LIMS4: variants seen among roughly 807,000 people sequenced by gnomAD.
LIMS4 encodes the protein LIM and senescent cell antigen-like-containing domain protein 4.
the LIMS4 span, among the ~76,000 whole-genome samples, chr2:110,395,968 C>G: frequency 2.8e-5 from 4 of 141,404 alleles, no homozygotes; most frequent in Non-Finnish European, 6.0e-5. Flanking sequence ...TGACAGACCA[C>G]AGGGTGGGGC....
the LIMS4 span, among the ~76,000 whole-genome samples, chr2:110,371,237 G>GA: frequency 0.01 from 861 of 84,146 alleles, 3 homozygotes; most frequent in Middle Eastern, 0.058. Context: ...CTATTAATGA[G>GA]AAAAAAAAAA....
At chr2:110,366,631 C>T in the LIMS4 span, among the ~76,000 whole-genome samples, 1 of 152,178 alleles carries the variant, frequency 6.6e-6, no homozygotes, top group Admixed American at 6.5e-5. Flanking sequence ...AGAAGTGGAA[C>T]AAGACAAGGA....
chr2:110,363,821 A>C, the LIMS4 span: 1 of 148,024 alleles, frequency 6.8e-6, no homozygotes, highest in Admixed American at 6.7e-5. Context: ...GGAATTTATC[A>C]CCACCAGACC....
At chr2:110,392,446 A>ACAG in the LIMS4 span, among the ~76,000 whole-genome samples, 8 of 128,724 alleles carry the variant, frequency 6.2e-5, no homozygotes, top group Admixed American at 3.9e-4. Context: ...CAAAAAAAAA[A>ACAG]AAAGAAAGAA....
the LIMS4 span, among the ~76,000 whole-genome samples, chr2:110,367,614 T>A: frequency 7.0e-6 from 1 of 143,346 alleles, no homozygotes; most frequent in Non-Finnish European, 1.5e-5. Context: ...GACTTCGAAC[T>A]ATAAAAACTC....
the LIMS4 span, among the ~76,000 whole-genome samples, chr2:110,433,280 AC>A: frequency 7.0e-6 from 1 of 143,614 alleles, no homozygotes; most frequent in African/African-American, 2.7e-5. Flanking sequence ...ACTTCCCACT[AC>A]TACTCTCATA....
chr2:110,368,000 A>T, the LIMS4 span, among the ~76,000 whole-genome samples: 1 of 145,492 alleles, frequency 6.9e-6, no homozygotes, highest in South Asian at 2.2e-4. Flanking sequence ...AAACTTTTTC[A>T]AATTCTTGAA....
the LIMS4 span, among the ~76,000 whole-genome samples, chr2:110,418,362 T>C: frequency 3.2e-4 from 1 of 3,160 alleles, no homozygotes; most frequent in South Asian, 0.01. Context: ...GGTGAGGCGA[T>C]GCCCTGCCCT....
At chr2:110,372,604 C>T in the LIMS4 span, among the ~76,000 whole-genome samples, 1 of 148,710 alleles carries the variant, frequency 6.7e-6, no homozygotes, top group Non-Finnish European at 1.5e-5. Flanking sequence ...CTCCTGGGTT[C>T]AAGCAATTCT....
At chr2:110,361,369 C>G in the LIMS4 span, 1 of 821,956 alleles carries the variant, frequency 1.2e-6, no homozygotes, top group Non-Finnish European at 2.1e-6. Flanking sequence ...CATGCTCCTT[C>G]CTGACGTGGG....
chr2:110,391,214 G>T, the LIMS4 span, among the ~76,000 whole-genome samples: 1 of 150,674 alleles, frequency 6.6e-6, no homozygotes, highest in Non-Finnish European at 1.5e-5. Flanking sequence ...CCCCACTGCT[G>T]TGTGGAAACA....
the LIMS4 span, chr2:110,362,255 C>A: frequency 6.3e-7 from 1 of 1,577,964 alleles, no homozygotes; most frequent in Non-Finnish European, 8.7e-7. Flanking sequence ...GAGGGGTCTT[C>A]ATCTAGGGGC....
At chr2:110,391,258 G>A in the LIMS4 span, among the ~76,000 whole-genome samples, 9 of 146,780 alleles carry the variant, frequency 6.1e-5, no homozygotes, top group East Asian at 2.0e-4. Flanking sequence ...AACAATGGGC[G>A]CTCACCCAGG....
chr2:110,392,153 T>C, the LIMS4 span, among the ~76,000 whole-genome samples: 8 of 152,064 alleles, frequency 5.3e-5, no homozygotes, highest in African/African-American at 1.7e-4. Flanking sequence ...AAAAGACTTC[T>C]GGGAAATCTT....
the LIMS4 span, among the ~76,000 whole-genome samples, chr2:110,368,873 A>G: frequency 6.8e-6 from 1 of 147,110 alleles, no homozygotes. Context: ...AAACTCTGCT[A>G]AATTTAATGT....
At chr2:110,373,696 T>C in the LIMS4 span, among the ~76,000 whole-genome samples, 13 of 150,996 alleles carry the variant, frequency 8.6e-5, no homozygotes, top group African/African-American at 3.2e-4. Flanking sequence ...TCCCTTGCTC[T>C]CTGACTCCCT....
At chr2:110,442,845 C>T (rs1401314632), downstream of LIMS4, among the ~76,000 whole-genome samples, 1 of 151,994 alleles carries the variant, frequency 6.6e-6, no homozygotes, top group South Asian at 2.1e-4. Flanking sequence ...ACTACAGGTG[C>T]CCACCACCAC....
chr2:110,372,021 G>A, the LIMS4 span, among the ~76,000 whole-genome samples: 7 of 151,900 alleles, frequency 4.6e-5, no homozygotes, highest in Non-Finnish European at 8.8e-5. Flanking sequence ...TGGGTGAACT[G>A]GTGATCCCCC....
the LIMS4 span, among the ~76,000 whole-genome samples, chr2:110,411,121 G>T: frequency 2.5e-5 from 1 of 39,480 alleles, no homozygotes. Flanking sequence ...GGCCAGGCTG[G>T]TCTCAAACTC....
Sources: gnomAD v4.1 joint callset for allele counts (sites outside exome capture counted in the v4.1 genomes callset) on GRCh38, gnomAD v4.1.1 for gene constraint, MANE v1.5 for transcripts, NCBI Gene and HGNC (gene_info 2026-07-23, HGNC 2026-07-21) for gene names.